Variants in RDM1 observed in about 807,000 individuals in gnomAD.
The protein encoded by RDM1 is RAD52 motif containing 1, also known as RAD52 motif-containing protein 1.
Under a neutral mutation model 27.7 loss-of-function variants are expected in RDM1, and 28 were observed. The observed-to-expected ratio is 1.01, with a 90% CI of 0.75 to 1.39. The LOEUF (loss-of-function observed/expected upper bound fraction) is 1.39. RDM1 is among the 40% of genes most tolerant of loss of function. RDM1 has a pLI of 0.00. For synonymous variants in RDM1, 124 were observed against 127.5 expected (o/e 0.97, Z 0.19); for missense variants, 277 against 337.3 (o/e 0.82, Z 1.40).
intron 6 of RDM1, among the ~76,000 whole-genome samples, chr17:35,919,000 T>C (rs765499078): frequency 1.1e-4 from 16 of 152,370 alleles, no homozygotes; most frequent in Admixed American, 7.2e-4. Context: ...GGGATGGATC[T>C]ATTGTTATAA....
At chr17:35,923,527 G>A (rs1226064815) in intron 4 of RDM1, among the ~76,000 whole-genome samples, 1 of 151,872 alleles carries the variant, frequency 6.6e-6, no homozygotes, top group East Asian at 1.9e-4. Flanking sequence ...GCCAGGTGTG[G>A]TGGTAGGCAC....
intron 5 of RDM1, among the ~76,000 whole-genome samples, chr17:35,921,709 C>G (rs2088949450): frequency 6.6e-6 from 1 of 152,078 alleles, no homozygotes. Context: ...AGAGATAAAT[C>G]AACAATGACA....
At chr17:35,923,904 C>T (rs964887002) in intron 4 of RDM1, among the ~76,000 whole-genome samples, 1 of 152,028 alleles carries the variant, frequency 6.6e-6, no homozygotes, top group Non-Finnish European at 1.5e-5. Flanking sequence ...AATGTTTATA[C>T]AAAAGTTTAT....
chr17:35,925,712 C>A (rs2141943863), intron 2 of RDM1, 75 bp from the exon 3 acceptor site: 2 of 1,500,466 alleles, frequency 1.3e-6, no homozygotes, highest in East Asian at 4.6e-5. Flanking sequence ...TGAGATTTGT[C>A]AATACCAAGT....
In RDM1 at chr17:35,924,555, C is replaced by A. The variant is rs1051911555; in HGVS notation, c.568+49G>T. The A allele has an allele frequency of 3.9e-6, 6 of 1,541,322 alleles. No individual in the cohort carries two copies. The Admixed American group carries it at 1.2e-4, about 31-fold the overall frequency. ...TGGAAAGTAAGAAAAAAAGAAAGAT[C>A]CTTTCCACTCCAAATCCCTACCCTC... On this transcript the variant is annotated intron_variant, in intron 4 of 6. Coordinates refer to ENST00000620284, the MANE Select transcript of RDM1 (RefSeq NM_145654.4).
chr17:35,925,471 TGAAAG>T lies in RDM1; in HGVS notation c.399+39_399+43del. ...TGTCTAAAATCTAGGATTTCAATGT[TGAAAG>T]GAGAGTGTGGTAAGTGAAAAAAAAT... On this transcript the variant is annotated intron_variant, in intron 3 of 6. Coordinates refer to ENST00000620284, the MANE Select transcript of RDM1 (RefSeq NM_145654.4). 3.7e-6 allele frequency: 6 copies of T among 1,606,432 alleles called. 1 individual carries two copies. In the South Asian group the frequency reaches 6.6e-5, roughly 18 times the overall value.
At chr17:35,926,626 G>A (rs955890680) in intron 2 of RDM1, among the ~76,000 whole-genome samples, 6 of 152,032 alleles carry the variant, frequency 3.9e-5, no homozygotes, top group Non-Finnish European at 7.4e-5. Context: ...GGATGGTCTC[G>A]ATCTCCTGAC....
rs764388591 is a variant in RDM1, at chr17:35,930,756, C to T, written c.-29G>A. On this transcript the variant is annotated 5_prime_UTR_variant, in exon 1 of 7. Transcript: ENST00000620284. The stretch of plus-strand genomic sequence containing the variant: ...CCCTTCACCGCACCTGCGCGGCTAA[C>T]CCTCGCCCCAGCATTGCGCCTGCGC... 2 of 1,605,674 alleles carry T rather than the reference C, an allele frequency of 1.2e-6. No individual in the cohort carries two copies. The highest frequency in any genetic ancestry group is 4.5e-5 in the East Asian group (2 of 44,736).
At chr17:35,930,293 G>T (rs369831618) in intron 1 of RDM1, 38 bp from the exon 2 acceptor site, 4 of 1,613,676 alleles carry the variant, frequency 2.5e-6, no homozygotes, top group Non-Finnish European at 3.4e-6. Context: ...GAAATCTCAC[G>T]CCCAGAAAAC....
intron 2 of RDM1, among the ~76,000 whole-genome samples, chr17:35,926,990 T>TA (rs772955889): frequency 2.0e-4 from 30 of 151,862 alleles, no homozygotes; most frequent in Non-Finnish European, 2.2e-4. Context: ...GACCGGCCTG[T>TA]ATCGTGAGTC....
In RDM1 at chr17:35,930,449, A is replaced by T. The variant is rs1477780976; in HGVS notation, c.96+183T>A. On this transcript the variant is annotated intron_variant, in intron 1 of 6. Coordinates refer to ENST00000620284, the MANE Select transcript of RDM1 (RefSeq NM_145654.4). ...GGTAAAACGTTCTGAAGGTGGAGAG[A>T]TACCTCTCCGGGACTCTAAAAATCT... is the stretch of plus-strand genomic sequence containing the variant. 6.9e-5 allele frequency: 61 copies of T among 887,460 alleles called. No homozygotes were observed. In the East Asian group the frequency reaches 1.6e-3, roughly 23 times the overall value. 55.0% of individuals were successfully genotyped at this position (887,460 alleles called of 1,614,324 possible).
chr17:35,925,555 T>C lies in RDM1; in HGVS notation c.359A>G (p.Tyr120Cys), dbSNP rs2089114737. 6.2e-7 allele frequency: 1 copy of C among 1,613,898 alleles called. No individual in the cohort carries two copies. Among genetic ancestry groups the C allele is most frequent in the Non-Finnish European group, 8.5e-7 (1 of 1,180,034 alleles). ...NSSKCQELAN[Y>C]YFGFNGCSKR... Reference sequence around the variant, plus strand: ...GGAACACCCATTGAAACCAAAGTAGTAATTCGCCAGTTCTTGGCATTTGGA... The same window carrying C: ...GGAACACCCATTGAAACCAAAGTAGCAATTCGCCAGTTCTTGGCATTTGGA... Residue 120 changes from tyrosine to cysteine, a missense_variant, in exon 3 of 7, where the codon TAC becomes TGC. Transcript: ENST00000620284.
intron 2 of RDM1, among the ~76,000 whole-genome samples, chr17:35,928,873 C>T (rs2089236994): frequency 6.6e-6 from 1 of 151,960 alleles, no homozygotes; most frequent in African/African-American, 2.4e-5. Context: ...GTCAGGAATT[C>T]GAGACCAGAC....
intron 5 of RDM1, chr17:35,922,285 C>T (rs1466356390): frequency 1.7e-5 from 6 of 362,272 alleles, no homozygotes; most frequent in Non-Finnish European, 2.9e-5. Flanking sequence ...AACTTATAAT[C>T]ACTATTCTGT....
At chr17:35,930,483 T>A (rs2089290027) in intron 1 of RDM1, 149 bp downstream of exon 1, 1 of 881,658 alleles carries the variant, frequency 1.1e-6, no homozygotes, top group Non-Finnish European at 1.7e-6. Flanking sequence ...CTGTTGGGGG[T>A]CGTCAGTTGT....
chr17:35,925,612 G>A lies in RDM1; in HGVS notation c.302C>T (p.Ala101Val). The change falls in exon 3 of 7, where the codon GCA (alanine) becomes GTA (valine). Residue 101 changes from alanine (A) to valine (V), a missense_variant. By Grantham distance (64) the Ala-to-Val change is moderately conservative. Transcript: ENST00000620284. ...CAGGGCAAGGGCTTGATGTTGAACT[G>A]CCTTATGTCTGGTGCCAAGACGAAC... ...VKVRLGTRHK[A>V]VQHQALALNS... 1 of 1,613,590 alleles carries A rather than the reference G, an allele frequency of 6.2e-7. No individual in the cohort carries two copies. The highest frequency in any genetic ancestry group is 8.5e-7 in the Non-Finnish European group (1 of 1,179,604).
At chr17:35,924,806 G>A (rs1367182892) in intron 3 of RDM1, 34 bp from the exon 4 acceptor site, 2 of 1,597,666 alleles carry the variant, frequency 1.3e-6, no homozygotes, top group Non-Finnish European at 1.7e-6. Flanking sequence ...TCCTTCCTGG[G>A]GTCTTAATGT....
At chr17:35,920,306 C>CT in intron 5 of RDM1, 34 bp from the exon 6 acceptor site, 1 of 1,118,124 alleles carries the variant, frequency 8.9e-7, no homozygotes. Flanking sequence ...AATTCAGAAT[C>CT]TTTTTCATTC....
intron 5 of RDM1, chr17:35,922,326 C>A: frequency 2.1e-6 from 1 of 485,510 alleles, no homozygotes; most frequent in Non-Finnish European, 3.6e-6. Context: ...GAAGACCTGG[C>A]TTAAACATTT....
Sources: gnomAD v4.1 joint callset for allele counts (sites outside exome capture counted in the v4.1 genomes callset) on GRCh38, gnomAD v4.1.1 for gene constraint, MANE v1.5 for transcripts, NCBI Gene and HGNC (gene_info 2026-07-23, HGNC 2026-07-21) for gene names.